Variants in TUBGCP3 observed in about 807,000 individuals in gnomAD.
The protein encoded by TUBGCP3 is tubulin gamma complex component 3.
Under a neutral mutation model 123.1 loss-of-function variants are expected in TUBGCP3, and 50 were observed. The observed-to-expected ratio is 0.41, with a 90% CI of 0.32 to 0.51. The LOEUF is 0.51. Among genes scored for constraint, TUBGCP3 ranks in the 20% least tolerant of loss-of-function variants. The probability of loss-of-function intolerance (pLI) is 0.36; values close to 1 mark genes in which losing one functional copy is unlikely to be tolerated. For synonymous variants in TUBGCP3, 405 were observed against 413.9 expected (o/e 0.98, Z 0.26); for missense variants, 882 against 1,127.0 (o/e 0.78, Z 3.11).
At chr13:112,538,091 C>G (rs1878217722) in intron 11 of TUBGCP3, among the ~76,000 whole-genome samples, 1 of 152,168 alleles carries the variant, frequency 6.6e-6, no homozygotes, top group Admixed American at 6.5e-5. Flanking sequence ...GATGGGTTTT[C>G]CCACCTGCCA....
rs368081046 is a variant in TUBGCP3, at chr13:112,516,263, T to C, written c.2086+177A>G. ...AGGCAATTTTTAAAAAGTATATATA[T>C]GAACATTAGAATAAAAAATAAATGT... On this transcript the variant is annotated intron_variant, in intron 17 of 21. Transcript: ENST00000261965. Among the ~76,000 whole-genome samples the C allele has an allele frequency of 1.4e-4, 21 of 152,308 alleles. No individual in the cohort carries two copies. The East Asian group carries it at 2.7e-3, about 20-fold the overall frequency.
intron 1 of TUBGCP3, among the ~76,000 whole-genome samples, chr13:112,578,541 AGAGT>A (rs1435923362): frequency 2.3e-4 from 29 of 124,970 alleles, no homozygotes; most frequent in African/African-American, 8.7e-4. Context: ...CTTGGGCGAA[AGAGT>A]GAGACTCCGT....
chr13:112,512,185 C>T (rs1881713300), intron 17 of TUBGCP3, among the ~76,000 whole-genome samples: 3 of 152,154 alleles, frequency 2.0e-5, no homozygotes, highest in African/African-American at 7.2e-5. Context: ...CTTTGGGAGG[C>T]CAAGGCGGGC....
At chr13:112,504,820 C>A in intron 17 of TUBGCP3, 106 bp from the exon 18 acceptor site, 2 of 901,388 alleles carry the variant, frequency 2.2e-6, no homozygotes, top group South Asian at 3.0e-5. Flanking sequence ...AAAAATCAGT[C>A]ATTTAAATTC....
At chr13:112,528,434 G>A (rs1239825827) in intron 11 of TUBGCP3, among the ~76,000 whole-genome samples, 1 of 152,160 alleles carries the variant, frequency 6.6e-6, no homozygotes, top group African/African-American at 2.4e-5. Flanking sequence ...GTGGAATCAT[G>A]GTTATCCTAT....
chr13:112,527,171 A>G, intron 12 of TUBGCP3, 121 bp from the exon 13 acceptor site: 1 of 881,490 alleles, frequency 1.1e-6, no homozygotes, highest in Non-Finnish European at 1.8e-6. Flanking sequence ...CATCTGCTAC[A>G]GTATGGAGCG....
rs575449011 is a variant in TUBGCP3, at chr13:112,497,710, T to C, written c.2448+1335A>G. 2.0e-5 allele frequency among the ~76,000 whole-genome samples: 3 copies of C among 152,332 alleles called. No homozygotes were observed. In the South Asian group the frequency reaches 6.2e-4, roughly 32 times the overall value. Reference sequence around the variant, plus strand: ...CCTGGCTATATGGCACAGCCTATGCTCCTAGGCTACAAATCTGGGCAGCGT... The same window carrying C: ...CCTGGCTATATGGCACAGCCTATGCCCCTAGGCTACAAATCTGGGCAGCGT... On this transcript the variant is annotated intron_variant, in intron 20 of 21. Transcript: ENST00000261965.
At chr13:112,542,755 A>T (rs1878628639) in intron 11 of TUBGCP3, among the ~76,000 whole-genome samples, 1 of 152,210 alleles carries the variant, frequency 6.6e-6, no homozygotes, top group Non-Finnish European at 1.5e-5. Flanking sequence ...AGGGGTACTG[A>T]TAAGTGCTAC....
intron 21 of TUBGCP3, among the ~76,000 whole-genome samples, chr13:112,488,573 C>T (rs1879835446): frequency 6.6e-6 from 1 of 152,272 alleles, no homozygotes; most frequent in Middle Eastern, 3.4e-3. Flanking sequence ...CAGGTCCCCA[C>T]AATCCCACCA....
intron 8 of TUBGCP3, among the ~76,000 whole-genome samples, chr13:112,551,339 A>G (rs536093635): frequency 6.6e-6 from 1 of 152,268 alleles, no homozygotes; most frequent in South Asian, 2.1e-4. Flanking sequence ...CACACTTACA[A>G]AACAGTATCT....
chr13:112,527,561 T>C, intron 11 of TUBGCP3, 77 bp from the exon 12 acceptor site: 1 of 1,007,294 alleles, frequency 9.9e-7, no homozygotes. Context: ...CATCAAAGAG[T>C]AAGTTATTCT....
chr13:112,579,161 C>CAT (rs967730745), intron 1 of TUBGCP3, among the ~76,000 whole-genome samples: 36 of 152,066 alleles, frequency 2.4e-4, no homozygotes, highest in African/African-American at 8.5e-4. Context: ...ATGGCAAACA[C>CAT]ACACACACAC....
At position 112,548,166 on chromosome 13, in the gene TUBGCP3, G is replaced by C; in HGVS notation, c.977C>G (p.Ala326Gly). Residue 326 changes from alanine to glycine, a missense_variant, in exon 9 of 22, where the codon GCT (alanine) becomes GGT (glycine). Transcript: ENST00000261965. ...TTCTCTGAGTTCCTGGTGCAAGGCA[G>C]CACAAAAGCTCTGTTTGGAGGAGAA... ...SFGLVGQSFCAALHQELREYY... is the reference protein window; with the variant it reads ...SFGLVGQSFCGALHQELREYY... 4 of 1,601,728 alleles carry C rather than the reference G, an allele frequency of 2.5e-6. No homozygotes were observed. Among genetic ancestry groups the C allele is most frequent in the Non-Finnish European group, 3.4e-6 (4 of 1,172,660 alleles).
chr13:112,597,576 A>G, the TUBGCP3 span, among the ~76,000 whole-genome samples: 12 of 152,332 alleles, frequency 7.9e-5, no homozygotes, highest in African/African-American at 2.6e-4. Flanking sequence ...GCTCAAGGGA[A>G]ATCAAAGAAA....
intron 1 of TUBGCP3, among the ~76,000 whole-genome samples, chr13:112,581,791 A>C (rs1286722625): frequency 6.6e-6 from 1 of 152,190 alleles, no homozygotes; most frequent in Non-Finnish European, 1.5e-5. Flanking sequence ...CAAGTACATC[A>C]CATAAATATC....
chr13:112,566,584 C>T (rs147161106), intron 2 of TUBGCP3, among the ~76,000 whole-genome samples: 7 of 152,266 alleles, frequency 4.6e-5, no homozygotes, highest in African/African-American at 1.4e-4. Context: ...GTGCATTACA[C>T]AAAATGAATG....
chr13:112,504,857 T>A, intron 17 of TUBGCP3, 143 bp from the exon 18 acceptor site: 1 of 655,678 alleles, frequency 1.5e-6, no homozygotes, highest in Non-Finnish European at 2.7e-6. Flanking sequence ...AAACAACCTC[T>A]CCAGAACCAA....
At chr13:112,579,104 A>C (rs1206912081) in intron 1 of TUBGCP3, among the ~76,000 whole-genome samples, 2 of 152,252 alleles carry the variant, frequency 1.3e-5, no homozygotes, top group Non-Finnish European at 2.9e-5. Flanking sequence ...AAACACAAAG[A>C]CATAAGCAAA....
intron 20 of TUBGCP3, among the ~76,000 whole-genome samples, chr13:112,491,624 C>G (rs1284733430): frequency 6.6e-6 from 1 of 152,240 alleles, no homozygotes; most frequent in African/African-American, 2.4e-5. Flanking sequence ...TACACCAGAA[C>G]TTCCCAATTT....
Sources: allele counts gnomAD v4.1 joint callset (sites outside exome capture counted in the v4.1 genomes callset), GRCh38; gene constraint gnomAD v4.1.1; transcripts MANE v1.5; gene names NCBI Gene and HGNC (gene_info 2026-07-23, HGNC 2026-07-21).